Variants in SLC29A4 observed in about 807,000 individuals in gnomAD.
SLC29A4 encodes the protein equilibrative nucleoside transporter 4.
SLC29A4 carries 36 observed loss-of-function variants against 43.9 expected under a neutral mutation model. That is an observed-to-expected ratio of 0.82 (90% confidence interval 0.63 to 1.08). The LOEUF is 1.08. SLC29A4 is among the 50% of genes least tolerant of loss of function. The probability of loss-of-function intolerance (pLI) is 0.00; values close to 1 mark genes in which losing one functional copy is unlikely to be tolerated. For missense variants in SLC29A4, 869 were observed against 755.3 expected (o/e 1.15, Z -1.77); for synonymous variants, 491 against 338.0 (o/e 1.45, Z -4.97).
At chr7:5,284,069 T>C in intron 1 of SLC29A4, among the ~76,000 whole-genome samples, 1 of 103,656 alleles carries the variant, frequency 9.6e-6, no homozygotes, top group Non-Finnish European at 1.8e-5. Flanking sequence ...TCTCTGTGCC[T>C]CAGTCGCCCT....
At chr7:5,285,964 C>T (rs760330870) in intron 1 of SLC29A4, among the ~76,000 whole-genome samples, 11 of 152,018 alleles carry the variant, frequency 7.2e-5, no homozygotes, top group East Asian at 1.9e-4. Context: ...GAGTTGTGAT[C>T]GCGCCACTGC....
In SLC29A4 at chr7:5,292,854, A is replaced by G. The variant is rs190839031; in HGVS notation, c.544+1033A>G. Among the ~76,000 whole-genome samples the G allele has an allele frequency of 2.4e-4, 36 of 151,660 alleles. No homozygotes were observed. The East Asian group carries it at 6.6e-3, about 28-fold the overall frequency. Reference sequence around the variant, plus strand: ...ACTGGGATTACAGGTGCCCGCCACCATGCCAGGCTAATTTTTGTATTTTTA... The same window carrying G: ...ACTGGGATTACAGGTGCCCGCCACCGTGCCAGGCTAATTTTTGTATTTTTA... On this transcript the variant is annotated intron_variant, in intron 5 of 10. Transcript: ENST00000396872.
chr7:5,284,207 G>A (rs1784828309), intron 1 of SLC29A4, among the ~76,000 whole-genome samples: 1 of 152,192 alleles, frequency 6.6e-6, no homozygotes, highest in Non-Finnish European at 1.5e-5. Context: ...AACAGAGCAA[G>A]ACCCCACCTC....
chr7:5,286,533 A>AG (rs1784960739), intron 1 of SLC29A4, among the ~76,000 whole-genome samples: 1 of 141,976 alleles, frequency 7.0e-6, no homozygotes, highest in Non-Finnish European at 1.5e-5. Flanking sequence ...AAAAAAAAAA[A>AG]AGAAAAAAGA....
intron 5 of SLC29A4, among the ~76,000 whole-genome samples, chr7:5,293,628 CAAAAA>C (rs905879683): frequency 6.6e-6 from 1 of 151,596 alleles, no homozygotes; most frequent in African/African-American, 2.4e-5. Context: ...TGTTAAAAAA[CAAAAA>C]AAATGCTGTG....
At chr7:5,290,138 C>G (rs879287651) in intron 2 of SLC29A4, among the ~76,000 whole-genome samples, 2 of 150,632 alleles carry the variant, frequency 1.3e-5, no homozygotes, top group Non-Finnish European at 1.5e-5. Flanking sequence ...ACTGCAAGCT[C>G]CGCTTCCTGG....
At chr7:5,288,893 C>T (rs1785131622) in intron 2 of SLC29A4, among the ~76,000 whole-genome samples, 2 of 152,236 alleles carry the variant, frequency 1.3e-5, no homozygotes, top group South Asian at 4.1e-4. Context: ...ACCTCCCATC[C>T]TTTACCCACC....
At chr7:5,289,564 A>C (rs73050086) in intron 2 of SLC29A4, among the ~76,000 whole-genome samples, 1 of 152,072 alleles carries the variant, frequency 6.6e-6, no homozygotes, top group African/African-American at 2.4e-5. Flanking sequence ...CACCCAGGGT[A>C]ATTTCCCTTT....
chr7:5,290,139 C>T (rs1177184357), intron 2 of SLC29A4, among the ~76,000 whole-genome samples: 2 of 151,726 alleles, frequency 1.3e-5, no homozygotes, highest in African/African-American at 2.4e-5. Flanking sequence ...CTGCAAGCTC[C>T]GCTTCCTGGG....
chr7:5,303,702 G>A lies in SLC29A4; in HGVS notation c.*763G>A, dbSNP rs574029628. The A allele has an allele frequency of 6.6e-6, 1 of 152,498 alleles. No individual in the cohort carries two copies. The highest frequency in any genetic ancestry group is 2.1e-4 in the South Asian group (1 of 4,834). The allele number at this position is 152,498 out of a possible 1,614,324, so 9.4% of individuals were successfully genotyped here. A position where few individuals can be genotyped will look rare whatever the true frequency, so the allele number is the denominator to read the frequency against. The stretch of plus-strand genomic sequence containing the variant: ...GCCCGGGATAGAAGAGGGGAGGTAA[G>A]TCTGGGGGCTACGAAGCCGGGCCCC... On this transcript the variant is annotated 3_prime_UTR_variant, in exon 11 of 11. Coordinates refer to ENST00000396872, the MANE Select transcript of SLC29A4 (RefSeq NM_153247.4).
chr7:5,300,827 A>G (rs1028897421), intron 10 of SLC29A4, among the ~76,000 whole-genome samples, 165 bp downstream of exon 10: 7 of 152,184 alleles, frequency 4.6e-5, no homozygotes, highest in African/African-American at 1.7e-4. Flanking sequence ...CAGCCACTTC[A>G]TTCACTCATT....
Position 5,304,097 on chromosome 7 carries a change from G to C in SLC29A4, c.*1158G>C, listed in dbSNP as rs767130203. The stretch of plus-strand genomic sequence containing the variant: ...AAGCAGAGTTTGTGCGTGGACGGGG[G>C]CTGGGACTGCCATCTCGGGATACCG... On this transcript the variant is annotated 3_prime_UTR_variant, in exon 11 of 11. Transcript: ENST00000396872. 1.3e-5 allele frequency: 2 copies of C among 152,396 alleles called. No individual in the cohort carries two copies. The highest frequency in any genetic ancestry group is 2.9e-5 in the Non-Finnish European group (2 of 68,148). 9.4% of individuals were successfully genotyped at this position (152,396 alleles called of 1,614,324 possible). A position where few individuals can be genotyped will look rare whatever the true frequency, so the allele number is the denominator to read the frequency against.
rs199920342 is a variant in SLC29A4, at chr7:5,290,737, G to A, written c.175G>A (p.Asp59Asn). 3.1e-6 allele frequency: 5 copies of A among 1,610,122 alleles called. No individual in the cohort carries two copies. Among genetic ancestry groups the A allele is most frequent in the Admixed American group, 3.3e-5 (2 of 59,882 alleles). ...CCTGGTGTCTCTGGCTTTAGCATTG[G>A]ACGAGCCAGTGCCCGATGACCGTTA... The part of the protein sequence containing the change: ...GVPAFTDTTL[D>N]EPVPDDRYHA... Residue 59 changes from aspartate (D) to asparagine (N), a missense_variant, in exon 3 of 11, where the codon GAC (aspartate) becomes AAC (asparagine). Asp to Asn is a conservative substitution (Grantham distance 23). Transcript: ENST00000396872.
intron 6 of SLC29A4, among the ~76,000 whole-genome samples, chr7:5,295,270 G>GC (rs1785572910): frequency 6.6e-6 from 1 of 152,034 alleles, no homozygotes; most frequent in African/African-American, 2.4e-5. Context: ...TAGGAGGTGG[G>GC]CCCCGTCCAT....
chr7:5,292,514 T>A (rs1173124720), intron 5 of SLC29A4, among the ~76,000 whole-genome samples: 1 of 151,884 alleles, frequency 6.6e-6, no homozygotes, highest in Non-Finnish European at 1.5e-5. Context: ...GAGCACTCTC[T>A]CCCCCTCTCC....
intron 5 of SLC29A4, among the ~76,000 whole-genome samples, chr7:5,292,384 T>C (rs1386462469): frequency 1.3e-5 from 2 of 152,138 alleles, no homozygotes; most frequent in African/African-American, 4.8e-5. Context: ...AAAGTGCTGG[T>C]ATTACAGGCA....
intron 5 of SLC29A4, among the ~76,000 whole-genome samples, chr7:5,292,628 C>G (rs1188861161): frequency 6.7e-6 from 1 of 150,280 alleles, no homozygotes; most frequent in African/African-American, 2.5e-5. Flanking sequence ...GATGTCATCA[C>G]CTTTCTTGCC....
chr7:5,296,909 C>A (rs760083865), intron 6 of SLC29A4, 27 bp from the exon 7 acceptor site: 2 of 1,565,212 alleles, frequency 1.3e-6, no homozygotes, highest in African/African-American at 1.3e-5. Context: ...GCGGATCAGG[C>A]CCCGGCCCAC....
At chr7:5,292,396 G>A (rs1785363739) in intron 5 of SLC29A4, among the ~76,000 whole-genome samples, 1 of 152,094 alleles carries the variant, frequency 6.6e-6, no homozygotes. Flanking sequence ...TTACAGGCAT[G>A]AGCCATCGTG....
Sources: gnomAD v4.1 joint callset for allele counts (sites outside exome capture counted in the v4.1 genomes callset) on GRCh38, gnomAD v4.1.1 for gene constraint, MANE v1.5 for transcripts, NCBI Gene and HGNC (gene_info 2026-07-23, HGNC 2026-07-21) for gene names.